Variants in NIPBL observed in about 807,000 individuals in gnomAD.
The protein encoded by NIPBL is NIPBL cohesin loading factor, also known as nipped-B-like protein.
Under a neutral mutation model 321.8 loss-of-function variants are expected in NIPBL, and 19 were observed. The ratio of observed to expected loss-of-function variants is 0.06; its 90% confidence interval spans 0.04 to 0.09. The LOEUF is 0.09. NIPBL is among the 10% of genes least tolerant of loss of function. The pLI, the probability that NIPBL is intolerant of heterozygous loss-of-function variation, is 1.00. For missense variants in NIPBL, 2,210 were observed against 3,327.0 expected, an observed-to-expected ratio of 0.66 and a Z score of 8.26; for synonymous variants, 1,106 against 1,114.1, an observed-to-expected ratio of 0.99 and a Z score of 0.14.
chr5:36,951,154 A>G (rs1740242069), intron 1 of NIPBL, among the ~76,000 whole-genome samples: 1 of 152,076 alleles, frequency 6.6e-6, no homozygotes, highest in African/African-American at 2.4e-5. Flanking sequence ...GTGCATTTTT[A>G]TGTCACTGTG....
rs78477452 is a variant in NIPBL at position 37,006,887 on chromosome 5, T to A, written c.4087+299T>A. ...AGCAGTTGTCTACAAAATGGATTGA[T>A]TCAAGATAAATACTCCTTTTCTTGT... On this transcript the variant is annotated intron_variant, in intron 17 of 46. Transcript: ENST00000282516. Among the ~76,000 whole-genome samples, 5,139 of 152,028 alleles carry A rather than the reference T, an allele frequency of 0.034. 310 individuals are homozygous for A. The highest frequency in any genetic ancestry group is 0.12 in the African/African-American group (4,852 of 41,520).
chr5:36,956,494 G>A (rs1193862501), intron 3 of NIPBL, among the ~76,000 whole-genome samples: 1 of 151,660 alleles, frequency 6.6e-6, no homozygotes, highest in Non-Finnish European at 1.5e-5. Context: ...ACTCTAAGGT[G>A]AGATACTTAC....
In NIPBL at chr5:37,041,256, T is replaced by TTG. The variant is rs1245878877; in HGVS notation, c.6108+2519_6108+2520insGT. ...CTTTTTTGTTGTTATGTGGTGGTTTTTTTTTTTTTTTTTTTTTTTTTTTTT... is the reference window on the plus strand; with the variant it reads ...CTTTTTTGTTGTTATGTGGTGGTTTTTGTTTTTTTTTTTTTTTTTTTTTTTTT... On this transcript the variant is annotated intron_variant, in intron 34 of 46. Transcript: ENST00000282516. Among the ~76,000 whole-genome samples, 216 of 117,320 alleles carry TTG rather than the reference T, an allele frequency of 1.8e-3. 10 individuals carry two copies. Among genetic ancestry groups the TTG allele is most frequent in the African/African-American group, 7.7e-3 (212 of 27,496 alleles). 77.0% of individuals were successfully genotyped at this position (117,320 alleles called of 152,430 possible). A position where few individuals can be genotyped will look rare whatever the true frequency, so the allele number is the denominator to read the frequency against.
At chr5:36,972,681 G>T (rs1474181504) in intron 8 of NIPBL, among the ~76,000 whole-genome samples, 3 of 151,954 alleles carry the variant, frequency 2.0e-5, no homozygotes, top group African/African-American at 2.4e-5. Flanking sequence ...CTTCAAAATG[G>T]TTTTCACTGT....
chr5:36,998,460 G>C (rs1428792763), intron 11 of NIPBL, among the ~76,000 whole-genome samples: 1 of 152,064 alleles, frequency 6.6e-6, no homozygotes, highest in East Asian at 1.9e-4. Flanking sequence ...GCTTGAAACA[G>C]ATTTGTTATG....
chr5:37,031,574 T>C (rs950824623), intron 32 of NIPBL, among the ~76,000 whole-genome samples: 1 of 152,222 alleles, frequency 6.6e-6, no homozygotes. Context: ...GATCTAAGAC[T>C]GACCATTTTC....
At chr5:37,060,428 C>T (rs544575988) in intron 44 of NIPBL, among the ~76,000 whole-genome samples, 2 of 152,266 alleles carry the variant, frequency 1.3e-5, no homozygotes, top group East Asian at 3.9e-4. Context: ...CCTCCCAAAA[C>T]TCTGAGATTA....
chr5:36,901,786 G>A (rs539594844), intron 1 of NIPBL, among the ~76,000 whole-genome samples: 1 of 152,266 alleles, frequency 6.6e-6, no homozygotes, highest in South Asian at 2.1e-4. Flanking sequence ...TAGGATTACA[G>A]GGGTGAGCCA....
chr5:36,923,051 G>C (rs1749069468), intron 1 of NIPBL, among the ~76,000 whole-genome samples: 1 of 152,302 alleles, frequency 6.6e-6, no homozygotes, highest in South Asian at 2.1e-4. Flanking sequence ...AACTTTGGGA[G>C]GCCGAGGCGG....
intron 34 of NIPBL, among the ~76,000 whole-genome samples, chr5:37,041,870 ATTT>A (rs70976272): frequency 6.9e-6 from 1 of 145,520 alleles, no homozygotes; most frequent in Non-Finnish European, 1.5e-5. Context: ...CAGCCACTAC[ATTT>A]TTTTTTTTTT....
Position 37,059,081 on chromosome 5 carries a change from T to C in NIPBL, c.7601T>C (p.Ile2534Thr). ...KCLPENSAPL[I>T]EFANVSQGIL... The stretch of plus-strand genomic sequence containing the variant: ...TTGCCAGAAAATTCAGCTCCTTTAA[T>C]CGAATTTGCAAATGTGTCCCAGGGT... The change falls in exon 44 of 47, where the codon ATC becomes ACC. Residue 2534 changes from isoleucine to threonine, a missense_variant. Coordinates refer to ENST00000282516, the MANE Select transcript of NIPBL (RefSeq NM_133433.4). The C allele has an allele frequency of 6.2e-7, 1 of 1,614,190 alleles. No homozygotes were observed. Among genetic ancestry groups the C allele is most frequent in the Non-Finnish European group, 8.5e-7 (1 of 1,180,010 alleles).
intron 6 of NIPBL, among the ~76,000 whole-genome samples, chr5:36,965,631 A>G (rs1373642367): frequency 1.4e-4 from 22 of 152,122 alleles, no homozygotes; most frequent in Admixed American, 7.9e-4. Flanking sequence ...GTTGACAGCA[A>G]TCTATTTTAT....
At chr5:36,938,814 C>T (rs913629597) in intron 1 of NIPBL, among the ~76,000 whole-genome samples, 16 of 152,122 alleles carry the variant, frequency 1.1e-4, no homozygotes, top group African/African-American at 3.4e-4. Context: ...AGGAAACTGA[C>T]GTTGATACAA....
At chr5:36,955,845 C>T (rs192545558) in intron 3 of NIPBL, among the ~76,000 whole-genome samples, 1 of 152,086 alleles carries the variant, frequency 6.6e-6, no homozygotes, top group East Asian at 1.9e-4. Context: ...ATAATTCTGA[C>T]CCATGTAGCT....
intron 1 of NIPBL, among the ~76,000 whole-genome samples, chr5:36,899,191 A>T (rs187323879): frequency 1.1e-3 from 171 of 151,588 alleles, no homozygotes; most frequent in African/African-American, 4.0e-3. Context: ...AGTGAAAGAG[A>T]CAGTCATGGG....
At chr5:36,918,293 G>A (rs923744573) in intron 1 of NIPBL, among the ~76,000 whole-genome samples, 30 of 152,112 alleles carry the variant, frequency 2.0e-4, no homozygotes, top group African/African-American at 6.0e-4. Context: ...GCAACTGTGA[G>A]TGGGAGTTCA....
At chr5:37,024,168 A>C (rs1007561862) in intron 29 of NIPBL, among the ~76,000 whole-genome samples, 2 of 109,020 alleles carry the variant, frequency 1.8e-5, no homozygotes, top group African/African-American at 5.9e-5. Context: ...CTCCATCCCA[A>C]AAAAAAAAAA....
chr5:36,902,042 G>A (rs191179390), intron 1 of NIPBL, among the ~76,000 whole-genome samples: 15 of 151,566 alleles, frequency 9.9e-5, no homozygotes, highest in Admixed American at 5.3e-4. Context: ...GCTTATTGGC[G>A]GTATGTATGT....
In NIPBL at chr5:36,984,658, T is replaced by C. The variant is rs909666686; in HGVS notation, c.1496-18T>C. On this transcript the variant is annotated intron_variant, in intron 9 of 46. Transcript: ENST00000282516. ...TACATGTCTATTACTGATATTGATA[T>C]TTATCTTTAAATTTCAGATAAGCCT... 5.6e-6 allele frequency: 9 copies of C among 1,598,272 alleles called. No individual in the cohort carries two copies. The highest frequency in any genetic ancestry group is 6.8e-6 in the Non-Finnish European group (8 of 1,169,716).
Sources: gnomAD v4.1 joint callset for allele counts (sites outside exome capture counted in the v4.1 genomes callset) on GRCh38, gnomAD v4.1.1 for gene constraint, MANE v1.5 for transcripts, NCBI Gene and HGNC (gene_info 2026-07-23, HGNC 2026-07-21) for gene names.